CYP4X1: variants seen among roughly 807,000 people sequenced by gnomAD.
CYP4X1 encodes cytochrome P450 family 4 subfamily X member 1, also known as cytochrome P450 4X1.
Under a neutral mutation model 57.9 loss-of-function variants are expected in CYP4X1, and 44 were observed. The observed-to-expected ratio is 0.76, with a 90% CI of 0.60 to 0.98. CYP4X1 has a LOEUF of 0.98. Ranked by LOEUF, CYP4X1 falls within the 50% of genes least tolerant of loss-of-function variation. The pLI is 0.00. For missense variants in CYP4X1, 532 were observed against 623.9 expected (o/e 0.85, Z 1.57); for synonymous variants, 227 against 228.6 (o/e 0.99, Z 0.06).
At chr1:47,009,070 A>T in the CYP4X1 span, among the ~76,000 whole-genome samples, 1 of 152,344 alleles carries the variant, frequency 6.6e-6, no homozygotes, top group African/African-American at 2.4e-5. Flanking sequence ...AAGTGGATCT[A>T]ATAGACATCT....
At chr1:47,025,514 AT>A (rs1238057163) in intron 1 of CYP4X1, among the ~76,000 whole-genome samples, 1 of 152,204 alleles carries the variant, frequency 6.6e-6, no homozygotes, top group Non-Finnish European at 1.5e-5. Flanking sequence ...ACTATATAGT[AT>A]TGTATTTTTT....
intron 1 of CYP4X1, among the ~76,000 whole-genome samples, chr1:47,028,038 T>G (rs149159982): frequency 6.6e-6 from 1 of 152,356 alleles, no homozygotes; most frequent in Admixed American, 6.5e-5. Context: ...CTTTGTTGAA[T>G]GCATAAATAT....
the CYP4X1 span, among the ~76,000 whole-genome samples, chr1:46,974,881 AT>A: frequency 6.6e-6 from 1 of 151,482 alleles, no homozygotes; most frequent in African/African-American, 2.4e-5. Context: ...TGCTTTTTAA[AT>A]TTTTTTAAAT....
At chr1:46,977,778 C>T in the CYP4X1 span, among the ~76,000 whole-genome samples, 4 of 151,948 alleles carry the variant, frequency 2.6e-5, no homozygotes, top group Non-Finnish European at 2.9e-5. Context: ...GCTGATCTCT[C>T]GGCACAAACT....
chr1:46,964,851 G>A, the CYP4X1 span, among the ~76,000 whole-genome samples: 1 of 152,234 alleles, frequency 6.6e-6, no homozygotes, highest in African/African-American at 2.4e-5. Context: ...AGTCTACAGA[G>A]GTAGGCAGGA....
At chr1:47,006,106 C>T in the CYP4X1 span, among the ~76,000 whole-genome samples, 24 of 152,116 alleles carry the variant, frequency 1.6e-4, no homozygotes, top group Non-Finnish European at 2.6e-4. Context: ...GTGAAAGAAT[C>T]GAGTCCAGTG....
At chr1:46,976,823 G>A in the CYP4X1 span, among the ~76,000 whole-genome samples, 1 of 152,162 alleles carries the variant, frequency 6.6e-6, no homozygotes, top group South Asian at 2.1e-4. Flanking sequence ...GTGATACCCA[G>A]GCAAACAGTG....
the CYP4X1 span, among the ~76,000 whole-genome samples, chr1:47,001,938 C>T: frequency 6.6e-6 from 1 of 152,358 alleles, no homozygotes; most frequent in African/African-American, 2.4e-5. Context: ...CTGCCTTCTG[C>T]ATCGTCAAGG....
upstream of CYP4X1, among the ~76,000 whole-genome samples, chr1:47,019,677 A>G (rs1197840935): frequency 6.6e-6 from 1 of 152,136 alleles, no homozygotes; most frequent in Non-Finnish European, 1.5e-5. Flanking sequence ...TCTTACCACT[A>G]CCTTCCCCAT....
At chr1:47,002,268 T>C in the CYP4X1 span, among the ~76,000 whole-genome samples, 1 of 152,180 alleles carries the variant, frequency 6.6e-6, no homozygotes, top group East Asian at 1.9e-4. Context: ...CCCACAGAGG[T>C]AGGCTTAATA....
Position 47,033,347 on chromosome 1 carries a change from T to A in CYP4X1, c.471T>A (p.Ala157=), listed in dbSNP as rs1644144440. The A allele has an allele frequency of 6.2e-7, 1 of 1,613,834 alleles. No homozygotes were observed. Among genetic ancestry groups the A allele is most frequent in the Non-Finnish European group, 8.5e-7 (1 of 1,179,796 alleles). Residue 157 remains alanine, a synonymous_variant, in exon 4 of 12, where the codon GCT becomes GCA. Transcript: ENST00000371901. ...NILKAYIEVM[A]HSVKMMLDKW... ...TGAAAGCATACATTGAGGTGATGGC[T>A]CATTCTGTGAAAATGATGCTGGTAA...
At chr1:46,970,459 A>G in the CYP4X1 span, among the ~76,000 whole-genome samples, 5 of 152,214 alleles carry the variant, frequency 3.3e-5, no homozygotes, top group Non-Finnish European at 7.3e-5. Context: ...AGGGGCCCAG[A>G]GACTCTGCCT....
chr1:46,979,767 AG>A, the CYP4X1 span, among the ~76,000 whole-genome samples: 1 of 152,206 alleles, frequency 6.6e-6, no homozygotes, highest in Non-Finnish European at 1.5e-5. Flanking sequence ...CACATCAAAA[AG>A]CTTATCCACC....
the CYP4X1 span, chr1:47,003,058 C>A: frequency 2.0e-5 from 3 of 152,142 alleles, no homozygotes; most frequent in South Asian, 2.1e-4. Context: ...TTGCGCCCCC[C>A]ACAGCAAGTG....
chr1:47,033,432 T>C, intron 4 of CYP4X1, 64 bp downstream of exon 4: 1 of 1,569,412 alleles, frequency 6.4e-7, no homozygotes, highest in Non-Finnish European at 8.6e-7. Flanking sequence ...CAGTATTAGG[T>C]ATGTGTTTTG....
chr1:46,990,732 G>C, the CYP4X1 span, among the ~76,000 whole-genome samples: 1 of 152,144 alleles, frequency 6.6e-6, no homozygotes, highest in African/African-American at 2.4e-5. Context: ...AAAAAAGGAT[G>C]AGTTCATGTC....
At chr1:46,972,254 T>C in the CYP4X1 span, among the ~76,000 whole-genome samples, 1 of 152,214 alleles carries the variant, frequency 6.6e-6, no homozygotes, top group Non-Finnish European at 1.5e-5. Context: ...GTTGTAGGTG[T>C]GAGGCTTTAT....
chr1:47,038,620 T>C, intron 6 of CYP4X1, 40 bp from the exon 7 acceptor site: 1 of 1,497,980 alleles, frequency 6.7e-7, no homozygotes, highest in Non-Finnish European at 9.1e-7. Flanking sequence ...TATTTGACTT[T>C]GCCATCACTT....
the CYP4X1 span, among the ~76,000 whole-genome samples, chr1:47,000,694 C>G: frequency 5.3e-5 from 8 of 151,894 alleles, no homozygotes. Flanking sequence ...GGTGGGGATT[C>G]AGGGATGCAG....
Sources: allele counts gnomAD v4.1 joint callset (sites outside exome capture counted in the v4.1 genomes callset), GRCh38; gene constraint gnomAD v4.1.1; transcripts MANE v1.5; gene names NCBI Gene and HGNC (gene_info 2026-07-23, HGNC 2026-07-21).